UPP2: variants seen among roughly 807,000 people sequenced by gnomAD.
UPP2 encodes the protein UPase 2.
A neutral mutation model predicts 26.7 loss-of-function variants in UPP2; 23 were observed. The observed-to-expected ratio is 0.86, with a 90% CI of 0.62 to 1.22. UPP2 has a LOEUF of 1.22. Among genes scored for constraint, UPP2 ranks in the 50% most tolerant of loss-of-function variants. The pLI is 0.00. For missense variants in UPP2, 387 were observed against 396.7 expected (o/e 0.98, Z 0.21); for synonymous variants, 127 against 141.3 (o/e 0.90, Z 0.72).
Position 158,051,057 on chromosome 2 carries a change from A to AAT in UPP2, c.147+35182_147+35183dup, listed in dbSNP as rs1179217154. On this transcript the variant is annotated intron_variant, in intron 3 of 9. Transcript: ENST00000605860. ...GAAATATATATACATGTACCCCATAAATATATATATATGCACACACATAAA... is the reference window on the plus strand; with the variant it reads ...GAAATATATATACATGTACCCCATAAATATATATATATATGCACACACATAAA... 5.3e-5 allele frequency among the ~76,000 whole-genome samples: 8 copies of AAT among 151,756 alleles called. No individual in the cohort carries two copies. In the East Asian group the frequency reaches 5.8e-4, roughly 11 times the overall value.
At chr2:158,120,820 G>A (rs1463137722) in intron 4 of UPP2, among the ~76,000 whole-genome samples, 1 of 151,944 alleles carries the variant, frequency 6.6e-6, no homozygotes, top group Admixed American at 6.6e-5. Flanking sequence ...GAAAAGGTGG[G>A]GGGAGGAGGA....
At chr2:158,007,193 T>A (rs946315135) in intron 2 of UPP2, among the ~76,000 whole-genome samples, 9 of 152,194 alleles carry the variant, frequency 5.9e-5, no homozygotes, top group African/African-American at 2.2e-4. Context: ...CATCATCTTA[T>A]AACCCTATAA....
chr2:158,027,410 A>G lies in UPP2; in HGVS notation c.147+11524A>G, dbSNP rs902298148. ...GGCAGTCAAATTTTAAAGCGCCAAA[A>G]TGATCTCTTTTGACTCCAGGTCTCA... On this transcript the variant is annotated intron_variant, in intron 3 of 9. Transcript: ENST00000605860. 1.2e-4 allele frequency among the ~76,000 whole-genome samples: 19 copies of G among 152,184 alleles called. No homozygotes were observed. The East Asian group carries it at 3.1e-3, about 25-fold the overall frequency.
chr2:158,042,798 C>A (rs1028213144), intron 3 of UPP2, among the ~76,000 whole-genome samples: 2 of 151,980 alleles, frequency 1.3e-5, no homozygotes, highest in Non-Finnish European at 2.9e-5. Context: ...CTGGAGAGGC[C>A]GGCGAGGATG....
At chr2:158,107,615 G>A (rs969658478) in intron 2 of UPP2, among the ~76,000 whole-genome samples, 4 of 152,106 alleles carry the variant, frequency 2.6e-5, no homozygotes, top group Non-Finnish European at 5.9e-5. Flanking sequence ...GAAGAGGTTG[G>A]AGGCAGAGGA....
chr2:158,035,291 G>A (rs1030860481), intron 3 of UPP2, among the ~76,000 whole-genome samples: 1 of 151,898 alleles, frequency 6.6e-6, no homozygotes, highest in Admixed American at 6.6e-5. Context: ...TGAGTAGCTG[G>A]GATTACAGGC....
At chr2:158,080,600 C>T (rs897619991) in intron 3 of UPP2, among the ~76,000 whole-genome samples, 1 of 152,198 alleles carries the variant, frequency 6.6e-6, no homozygotes, top group Non-Finnish European at 1.5e-5. Flanking sequence ...AATCTTGATG[C>T]ACTACTCCCT....
chr2:158,055,453 C>G (rs1682232029), intron 3 of UPP2, among the ~76,000 whole-genome samples: 1 of 152,168 alleles, frequency 6.6e-6, no homozygotes, highest in African/African-American at 2.4e-5. Flanking sequence ...TAGCAGGTAC[C>G]TCACAGAAGT....
intron 3 of UPP2, among the ~76,000 whole-genome samples, chr2:158,053,671 T>C (rs535003630): frequency 6.6e-6 from 1 of 152,328 alleles, no homozygotes; most frequent in African/African-American, 2.4e-5. Context: ...GGCAGAATTG[T>C]TAACATGTTT....
intron 3 of UPP2, among the ~76,000 whole-genome samples, chr2:158,049,760 A>C (rs1682118253): frequency 6.6e-6 from 1 of 152,198 alleles, no homozygotes; most frequent in African/African-American, 2.4e-5. Context: ...GTCAGCTTTC[A>C]TTTGGGATTT....
intron 3 of UPP2, among the ~76,000 whole-genome samples, chr2:158,076,112 A>G (rs1281294988): frequency 6.6e-6 from 1 of 152,002 alleles, no homozygotes; most frequent in Non-Finnish European, 1.5e-5. Context: ...ACCACCTAAC[A>G]AGATTGAACT....
At chr2:158,045,286 A>G (rs890313911) in intron 3 of UPP2, among the ~76,000 whole-genome samples, 1 of 152,112 alleles carries the variant, frequency 6.6e-6, no homozygotes, top group Admixed American at 6.6e-5. Flanking sequence ...ACAAGGCTTA[A>G]CTAGTGATGG....
Position 158,123,912 on chromosome 2 carries a change from T to C in UPP2, c.811+17T>C. 6.2e-7 allele frequency: 1 copy of C among 1,609,426 alleles called. No individual in the cohort carries two copies. The highest frequency in any genetic ancestry group is 2.2e-5 in the East Asian group (1 of 44,862). On this transcript the variant is annotated intron_variant, in intron 6 of 6. Coordinates refer to ENST00000005756, the MANE Select transcript of UPP2 (RefSeq NM_173355.4). ...GTCTAAAAGGTAAGCTTTTCGTGAA[T>C]GCTTAGGGTCAAATTCTCCTCTTTC...
intron 3 of UPP2, among the ~76,000 whole-genome samples, chr2:158,035,834 C>A (rs745361361): frequency 1.6e-4 from 25 of 152,210 alleles, no homozygotes; most frequent in Non-Finnish European, 3.1e-4. Context: ...TTCAAATACA[C>A]AAGGGTTGAA....
intron 3 of UPP2, among the ~76,000 whole-genome samples, chr2:158,024,614 A>G (rs776094044): frequency 3.9e-5 from 6 of 152,186 alleles, no homozygotes; most frequent in Admixed American, 6.5e-5. Context: ...AAAGGATGCA[A>G]GAAGAAATGG....
chr2:158,018,709 A>G (rs1413449200), intron 3 of UPP2, among the ~76,000 whole-genome samples: 1 of 152,200 alleles, frequency 6.6e-6, no homozygotes, highest in African/African-American at 2.4e-5. Context: ...GTAAACTTTT[A>G]GTGGGACAGA....
intron 5 of UPP2, among the ~76,000 whole-genome samples, chr2:158,123,472 A>C (rs1307005636): frequency 6.6e-6 from 1 of 152,170 alleles, no homozygotes; most frequent in East Asian, 1.9e-4. Context: ...CCCTGGGCAC[A>C]GTGCTGGCTG....
chr2:158,026,881 AG>A (rs1459883555), intron 3 of UPP2, among the ~76,000 whole-genome samples: 1 of 152,142 alleles, frequency 6.6e-6, no homozygotes, highest in Non-Finnish European at 1.5e-5. Context: ...AGTGACAGCA[AG>A]AAGAAGTGAG....
intron 3 of UPP2, among the ~76,000 whole-genome samples, chr2:158,016,281 G>C (rs549347581): frequency 2.0e-5 from 3 of 151,814 alleles, no homozygotes; most frequent in Non-Finnish European, 2.9e-5. Flanking sequence ...CTCATAAAGG[G>C]CTCACCTTTC....
Sources: gnomAD v4.1 joint callset for allele counts (sites outside exome capture counted in the v4.1 genomes callset) on GRCh38, gnomAD v4.1.1 for gene constraint, MANE v1.5 for transcripts, NCBI Gene and HGNC (gene_info 2026-07-23, HGNC 2026-07-21) for gene names.